PTGER3: variants seen among roughly 807,000 people sequenced by gnomAD.
PTGER3 encodes the protein prostaglandin E receptor 3.
In PTGER3, 22 loss-of-function variants were observed where a neutral mutation model predicts 34.7. The observed-to-expected ratio is 0.63, with a 90% CI of 0.45 to 0.91. The LOEUF is 0.91. Among genes scored for constraint, PTGER3 ranks in the 40% least tolerant of loss-of-function variants. PTGER3 has a pLI of 0.00. For synonymous variants in PTGER3, 241 were observed against 230.1 expected (o/e 1.05, Z -0.43); for missense variants, 468 against 519.4 (o/e 0.90, Z 0.96).
intron 2 of PTGER3, among the ~76,000 whole-genome samples, chr1:70,985,645 C>T (rs993650778): frequency 1.3e-5 from 2 of 152,064 alleles, no homozygotes; most frequent in Non-Finnish European, 2.9e-5. Flanking sequence ...CAGTCGTTAC[C>T]TCCTCCTCCC....
chr1:70,965,229 C>T (rs1442947495), intron 2 of PTGER3, among the ~76,000 whole-genome samples: 2 of 152,010 alleles, frequency 1.3e-5, no homozygotes, highest in South Asian at 2.1e-4. Flanking sequence ...GTTGGTTTAA[C>T]TTTATCCTAA....
intron 2 of PTGER3, among the ~76,000 whole-genome samples, chr1:70,976,710 A>G (rs952531054): frequency 2.0e-5 from 3 of 152,178 alleles, no homozygotes; most frequent in Non-Finnish European, 4.4e-5. Flanking sequence ...AGGTGATGCC[A>G]AGCTCCTTTG....
chr1:70,891,998 C>A (rs934595868), intron 4 of PTGER3, among the ~76,000 whole-genome samples: 2 of 152,164 alleles, frequency 1.3e-5, no homozygotes, highest in East Asian at 3.9e-4. Context: ...AAGGGGAAAT[C>A]CACAACAGGG....
At chr1:70,955,649 C>T (rs948738384) in intron 2 of PTGER3, among the ~76,000 whole-genome samples, 18 of 152,062 alleles carry the variant, frequency 1.2e-4, no homozygotes, top group African/African-American at 4.3e-4. Context: ...TGGAGTTATC[C>T]ATCCTGCCCT....
chr1:70,974,473 C>A, intron 2 of PTGER3, 85 bp from the exon 3 acceptor site: 1 of 719,512 alleles, frequency 1.4e-6, no homozygotes. Context: ...ATCAAAGTCA[C>A]ATTGGCTATG....
intron 4 of PTGER3, among the ~76,000 whole-genome samples, chr1:70,893,733 T>G (rs1646666934): frequency 6.6e-6 from 1 of 152,208 alleles, no homozygotes; most frequent in South Asian, 2.1e-4. Flanking sequence ...AAAAAATTCC[T>G]TTGAAAACTA....
chr1:70,871,865 C>G (rs1400073909), intron 4 of PTGER3, among the ~76,000 whole-genome samples: 2 of 152,106 alleles, frequency 1.3e-5, no homozygotes, highest in Admixed American at 6.5e-5. Flanking sequence ...ATTCAATTTT[C>G]AAGGTGCTAT....
At chr1:70,981,866 C>T (rs1348487323) in intron 2 of PTGER3, among the ~76,000 whole-genome samples, 1 of 152,120 alleles carries the variant, frequency 6.6e-6, no homozygotes, top group Admixed American at 6.6e-5. Flanking sequence ...ATCCCTGGTA[C>T]CCATCAATCA....
intron 1 of PTGER3, among the ~76,000 whole-genome samples, chr1:71,026,249 C>T (rs1321731021): frequency 6.6e-6 from 1 of 152,172 alleles, no homozygotes; most frequent in Admixed American, 6.6e-5. Flanking sequence ...GAGTAATACT[C>T]ACAGTCCCTG....
At chr1:70,984,663 G>T (rs1371898778) in intron 2 of PTGER3, among the ~76,000 whole-genome samples, 4 of 150,478 alleles carry the variant, frequency 2.7e-5, no homozygotes, top group Non-Finnish European at 4.4e-5. Flanking sequence ...GGAGTTAGAA[G>T]ATGCAGTGAA....
At chr1:70,891,551 T>G (rs1373312299) in intron 4 of PTGER3, among the ~76,000 whole-genome samples, 1 of 152,218 alleles carries the variant, frequency 6.6e-6, no homozygotes, top group Non-Finnish European at 1.5e-5. Context: ...TTTGTCCATT[T>G]TTAAAATAGG....
At chr1:70,990,998 C>T (rs1194942716) in intron 2 of PTGER3, among the ~76,000 whole-genome samples, 3 of 152,180 alleles carry the variant, frequency 2.0e-5, no homozygotes, top group Non-Finnish European at 2.9e-5. Context: ...GCCTTCTGAA[C>T]GTCATTCACT....
rs975455105 is a variant in PTGER3 at position 70,985,737 on chromosome 1, T to C, written c.1078-11349A>G. ...CTCTCTTCTTCCCCTGGACCCTTCCTTAAAATAGTTACTTTTGTCTTAAGT... is the reference window on the plus strand; with the variant it reads ...CTCTCTTCTTCCCCTGGACCCTTCCCTAAAATAGTTACTTTTGTCTTAAGT... On this transcript the variant is annotated intron_variant, in intron 2 of 3. Transcript: ENST00000306666. 4.6e-5 allele frequency among the ~76,000 whole-genome samples: 7 copies of C among 152,322 alleles called. No individual in the cohort carries two copies. The South Asian group carries it at 1.0e-3, about 23-fold the overall frequency.
rs1254815140 is a variant in PTGER3 at position 70,900,756 on chromosome 1, T to C, written c.*24-47897A>G. ...AGCCTTCTGTAGAGCACCCCCATTATACAGAACTTAGTGTACTCTATGAAG... is the reference window on the plus strand; with the variant it reads ...AGCCTTCTGTAGAGCACCCCCATTACACAGAACTTAGTGTACTCTATGAAG... On this transcript the variant is annotated intron_variant, in intron 4 of 4. Transcript: ENST00000370931. Among the ~76,000 whole-genome samples the C allele has an allele frequency of 3.3e-5, 5 of 152,190 alleles. No homozygotes were observed. The East Asian group carries it at 9.6e-4, about 29-fold the overall frequency.
At chr1:70,918,232 A>G (rs1278181099) in intron 4 of PTGER3, among the ~76,000 whole-genome samples, 1 of 152,126 alleles carries the variant, frequency 6.6e-6, no homozygotes, top group Non-Finnish European at 1.5e-5. Flanking sequence ...TCTCTCCACC[A>G]TATACAAAAA....
At chr1:71,037,760 G>A (rs553819440) in intron 1 of PTGER3, among the ~76,000 whole-genome samples, 388 of 151,732 alleles carry the variant, frequency 2.6e-3, no homozygotes, top group Non-Finnish European at 4.8e-3. Flanking sequence ...CACATGGCAA[G>A]GCCGTGACCA....
intron 4 of PTGER3, among the ~76,000 whole-genome samples, chr1:70,868,952 A>G (rs1015758111): frequency 6.6e-6 from 1 of 152,164 alleles, no homozygotes; most frequent in Non-Finnish European, 1.5e-5. Flanking sequence ...TAGGCCGTTC[A>G]TGGTTCCCAG....
chr1:70,994,703 C>A (rs551433191), intron 2 of PTGER3, among the ~76,000 whole-genome samples: 3 of 152,192 alleles, frequency 2.0e-5, no homozygotes, highest in East Asian at 3.9e-4. Context: ...CGATCCACCC[C>A]CCTCAGCCTC....
intron 4 of PTGER3, chr1:70,862,308 T>C: frequency 7.4e-7 from 1 of 1,351,514 alleles, no homozygotes; most frequent in Non-Finnish European, 9.9e-7. Flanking sequence ...GACTTACATC[T>C]GCTGTCAAAA....
Sources: gnomAD v4.1 joint callset for allele counts (sites outside exome capture counted in the v4.1 genomes callset) on GRCh38, gnomAD v4.1.1 for gene constraint, MANE v1.5 for transcripts, NCBI Gene and HGNC (gene_info 2026-07-23, HGNC 2026-07-21) for gene names.